Variants in CTNND2 observed in about 807,000 individuals in gnomAD.
CTNND2 encodes the protein catenin delta 2.
CTNND2 carries 22 observed loss-of-function variants against 144.4 expected under a neutral mutation model. The observed-to-expected ratio is 0.15, with a 90% CI of 0.11 to 0.22. The LOEUF is 0.22. Ranked by LOEUF, CTNND2 falls within the 10% of genes least tolerant of loss-of-function variation. The pLI is 1.00. For synonymous variants in CTNND2, 751 were observed against 695.6 expected, an observed-to-expected ratio of 1.08 and a Z score of -1.25; for missense variants, 1,353 against 1,618.8, an observed-to-expected ratio of 0.84 and a Z score of 2.82.
chr5:11,329,818 G>A, intron 9 of CTNND2, among the ~76,000 whole-genome samples: 1 of 152,176 alleles, frequency 6.6e-6, no homozygotes, highest in East Asian at 1.9e-4. Context: ...TCCTGCCATG[G>A]TCCCAAAGCA....
chr5:11,573,500 G>C (rs181848043), intron 2 of CTNND2, among the ~76,000 whole-genome samples: 1 of 152,256 alleles, frequency 6.6e-6, no homozygotes, highest in Admixed American at 6.5e-5. Context: ...ACAAATGACA[G>C]GGTAATAATT....
At chr5:11,635,821 T>C (rs1349477451) in intron 2 of CTNND2, among the ~76,000 whole-genome samples, 1 of 152,106 alleles carries the variant, frequency 6.6e-6, no homozygotes, top group African/African-American at 2.4e-5. Flanking sequence ...CCTGAAACCT[T>C]TACGGGTTCT....
intron 9 of CTNND2, among the ~76,000 whole-genome samples, chr5:11,250,491 C>CTCTCTCTCTATA (rs869141186): frequency 1.4e-3 from 92 of 64,102 alleles, no homozygotes; most frequent in East Asian, 4.1e-3. Context: ...CTCTCTCTCT[C>CTCTCTCTCTATA]TATATATATA....
At chr5:11,578,136 C>T (rs148592723) in intron 2 of CTNND2, among the ~76,000 whole-genome samples, 9 of 152,230 alleles carry the variant, frequency 5.9e-5, no homozygotes, top group Non-Finnish European at 1.3e-4. Context: ...CTCCTCATTG[C>T]CTCCAGAGTG....
At chr5:11,387,089 T>C (rs1759169499) in intron 6 of CTNND2, among the ~76,000 whole-genome samples, 1 of 151,016 alleles carries the variant, frequency 6.6e-6, no homozygotes, top group Non-Finnish European at 1.5e-5. Context: ...GACTTACCAT[T>C]GCTATTTAAT....
intron 9 of CTNND2, among the ~76,000 whole-genome samples, chr5:11,269,914 G>A (rs577391171): frequency 1.4e-4 from 22 of 152,154 alleles, no homozygotes; most frequent in African/African-American, 4.8e-4. Flanking sequence ...AAAAAAACAC[G>A]GAGCCTTGAA....
chr5:11,797,456 C>T (rs1236730129), intron 1 of CTNND2, among the ~76,000 whole-genome samples: 1 of 152,088 alleles, frequency 6.6e-6, no homozygotes, highest in African/African-American at 2.4e-5. Context: ...ACCACAGGAT[C>T]AAATTGTGAT....
chr5:11,424,594 G>A (rs1438054552), intron 3 of CTNND2, among the ~76,000 whole-genome samples: 1 of 151,976 alleles, frequency 6.6e-6, no homozygotes, highest in Admixed American at 6.6e-5. Context: ...GCTAGGCGAA[G>A]TTAGAAGAGA....
At chr5:11,896,904 C>A (rs529813547) in intron 1 of CTNND2, among the ~76,000 whole-genome samples, 1 of 152,092 alleles carries the variant, frequency 6.6e-6, no homozygotes, top group Admixed American at 6.6e-5. Context: ...TATCTATGCA[C>A]CTGCTATGAA....
At chr5:11,792,815 C>T (rs140182524) in intron 1 of CTNND2, among the ~76,000 whole-genome samples, 19 of 152,334 alleles carry the variant, frequency 1.2e-4, no homozygotes, top group African/African-American at 4.6e-4. Context: ...TCCATTTCCT[C>T]TTTCCCTACG....
At chr5:11,694,173 T>A (rs952482180) in intron 2 of CTNND2, among the ~76,000 whole-genome samples, 1 of 152,044 alleles carries the variant, frequency 6.6e-6, no homozygotes, top group East Asian at 1.9e-4. Context: ...CGGTGGCTCA[T>A]GCCTGTAATC....
intron 9 of CTNND2, among the ~76,000 whole-genome samples, chr5:11,265,973 G>A (rs1290305081): frequency 6.6e-6 from 1 of 152,056 alleles, no homozygotes; most frequent in African/African-American, 2.4e-5. Flanking sequence ...GCCTCCCAAA[G>A]TGCTGGGATT....
chr5:10,981,612 C>T (rs754968838), intron 21 of CTNND2, among the ~76,000 whole-genome samples, 161 bp downstream of exon 21: 6 of 148,920 alleles, frequency 4.0e-5, no homozygotes, highest in Non-Finnish European at 7.5e-5. Flanking sequence ...CACACAGAGA[C>T]ACACACACGC....
intron 1 of CTNND2, among the ~76,000 whole-genome samples, chr5:11,825,755 T>G (rs561841205): frequency 2.4e-4 from 37 of 152,122 alleles, no homozygotes; most frequent in African/African-American, 8.9e-4. Flanking sequence ...AAAGAAATAT[T>G]ACCTCCAGAG....
rs1459183291 is a variant in CTNND2 at position 11,397,053 on chromosome 5, GCTCGGGCTTGTGTGC to G, written c.575_589del (p.Gly192_Arg196del). 6.2e-7 allele frequency: 1 copy of G among 1,613,698 alleles called. No homozygotes were observed. Among genetic ancestry groups the G allele is most frequent in the East Asian group, 2.2e-5 (1 of 44,876 alleles). On this transcript the variant is annotated inframe_deletion, in exon 6 of 22. Coordinates refer to ENST00000304623, the MANE Select transcript of CTNND2 (RefSeq NM_001332.4). ...TACCTGGCTGAAGCTCTGGCCCGTA[GCTCGGGCTTGTGTGC>G]CTCGGGCCGGGAGCTGTGAAGGGGT... is the stretch of plus-strand genomic sequence containing the variant.
intron 3 of CTNND2, among the ~76,000 whole-genome samples, chr5:11,545,230 G>A (rs1452503684): frequency 6.6e-6 from 1 of 151,710 alleles, no homozygotes; most frequent in African/African-American, 2.4e-5. Context: ...GCTGTGGAAG[G>A]AGAATCGCTT....
chr5:11,334,024 A>T (rs1276695118), intron 9 of CTNND2, among the ~76,000 whole-genome samples: 4 of 152,210 alleles, frequency 2.6e-5, no homozygotes, highest in African/African-American at 9.6e-5. Flanking sequence ...GAGATTTTTC[A>T]GAAATTATTA....
rs534623585 is a variant in CTNND2, at chr5:11,087,829, ATGT to A, written c.2638-4986_2638-4984del. ...GGGCAAAGACTGAATTTTAGCCCATATGTTTATGCAATGCTCAAAATATTAATG... is the reference window on the plus strand; with the variant it reads ...GGGCAAAGACTGAATTTTAGCCCATATTATGCAATGCTCAAAATATTAATG... On this transcript the variant is annotated intron_variant, in intron 15 of 21. Coordinates refer to ENST00000304623, the MANE Select transcript of CTNND2 (RefSeq NM_001332.4). Among the ~76,000 whole-genome samples, 60 of 152,348 alleles carry A rather than the reference ATGT, an allele frequency of 3.9e-4. 1 individual carries two copies. In the South Asian group the frequency reaches 0.012, roughly 31 times the overall value.
chr5:11,163,426 A>G (rs1758992442), intron 11 of CTNND2, among the ~76,000 whole-genome samples: 2 of 152,160 alleles, frequency 1.3e-5, no homozygotes, highest in Admixed American at 6.6e-5. Context: ...GGACCACCCA[A>G]ATCTGTGGCT....
Sources: gnomAD v4.1 joint callset for allele counts (sites outside exome capture counted in the v4.1 genomes callset) on GRCh38, gnomAD v4.1.1 for gene constraint, MANE v1.5 for transcripts, NCBI Gene and HGNC (gene_info 2026-07-23, HGNC 2026-07-21) for gene names.